NGEF: variants seen among roughly 807,000 people sequenced by gnomAD.
NGEF encodes neuronal guanine nucleotide exchange factor.
Under a neutral mutation model 80.9 loss-of-function variants are expected in NGEF, and 31 were observed. The ratio of observed to expected loss-of-function variants is 0.38; its 90% CI spans 0.29 to 0.52. The LOEUF is 0.52. NGEF is among the 20% of genes least tolerant of loss of function. NGEF has a pLI of 0.84. For synonymous variants in NGEF, 371 were observed against 370.2 expected, an observed-to-expected ratio of 1.00 and a Z score of -0.03; for missense variants, 709 against 926.2, an observed-to-expected ratio of 0.77 and a Z score of 3.04.
At chr2:232,936,639 G>C (rs1043749962) in intron 3 of NGEF, among the ~76,000 whole-genome samples, 1 of 152,186 alleles carries the variant, frequency 6.6e-6, no homozygotes, top group African/African-American at 2.4e-5. Flanking sequence ...GGTGCGCCAC[G>C]CATGTTATCA....
At chr2:232,899,383 C>A (rs1692202395) in intron 5 of NGEF, among the ~76,000 whole-genome samples, 2 of 152,168 alleles carry the variant, frequency 1.3e-5, no homozygotes. Flanking sequence ...CGTCACACTT[C>A]CTGGCTTTCC....
At chr2:233,001,385 T>C (rs1469236802) in intron 1 of NGEF, among the ~76,000 whole-genome samples, 2 of 152,200 alleles carry the variant, frequency 1.3e-5, no homozygotes, top group Non-Finnish European at 2.9e-5. Context: ...CACATCCTCA[T>C]GTGAGCCTGT....
chr2:232,993,868 C>T (rs1265892167), intron 1 of NGEF, among the ~76,000 whole-genome samples: 1 of 152,138 alleles, frequency 6.6e-6, no homozygotes, highest in Non-Finnish European at 1.5e-5. Context: ...GAACCGGAGA[C>T]TCCACAGAGA....
intron 5 of NGEF, among the ~76,000 whole-genome samples, chr2:232,904,871 A>G (rs570958199): frequency 6.6e-6 from 1 of 152,148 alleles, no homozygotes; most frequent in Non-Finnish European, 1.5e-5. Flanking sequence ...TGAGCCCAGG[A>G]GTTCAAGGCT....
At chr2:232,948,159 G>GTGTA (rs1693599658) in intron 3 of NGEF, among the ~76,000 whole-genome samples, 1 of 148,120 alleles carries the variant, frequency 6.8e-6, no homozygotes. Context: ...GTGTGTGTGT[G>GTGTA]TGTGTGTGTG....
chr2:232,891,045 G>T (rs561076808), intron 8 of NGEF: 3 of 509,258 alleles, frequency 5.9e-6, no homozygotes, highest in Admixed American at 4.6e-5. Flanking sequence ...TACACGTCAC[G>T]TGTCTTTCCT....
chr2:232,878,842 C>T lies in NGEF; in HGVS notation c.*647G>A, dbSNP rs1691381603. The T allele has an allele frequency of 6.5e-6, 1 of 152,780 alleles. No homozygotes were observed. The highest frequency in any genetic ancestry group is 2.4e-5 in the African/African-American group (1 of 41,594). 9.5% of individuals were successfully genotyped at this position (152,780 alleles called of 1,614,324 possible). ...TTAAGGGGCTAGAAGACACAAGTTA[C>T]ATCCAGCCCATCAGGGAGCCAGAGG... On this transcript the variant is annotated 3_prime_UTR_variant, in exon 15 of 15. Transcript: ENST00000264051.
rs1258077413 is a variant in NGEF at position 232,892,951 on chromosome 2, G to A, written c.1089C>T (p.Tyr363=). The A allele has an allele frequency of 2.5e-6, 4 of 1,613,532 alleles. No individual in the cohort carries two copies. The highest frequency in any genetic ancestry group is 1.7e-6 in the Non-Finnish European group (2 of 1,179,946). ...YRYAADHFSV[Y]ITYVSNQTYQ... is the part of the protein sequence containing the mutation. ...AGGTCTGATTGCTGACGTAGGTGAT[G>A]TAGACAGAGAAGTGGTCGGCCGCAT... The change falls in exon 7 of 15, where the codon TAC becomes TAT. Residue 363 remains tyrosine, a synonymous_variant. Transcript: ENST00000264051. This position sits in a 1 kb window ranked among gnomAD's most constrained non-coding sequence, Gnocchi z 4.0.
At chr2:232,919,750 G>A (rs1317629874) in intron 5 of NGEF, among the ~76,000 whole-genome samples, 1 of 152,148 alleles carries the variant, frequency 6.6e-6, no homozygotes, top group Non-Finnish European at 1.5e-5. Flanking sequence ...TCAAATGAAG[G>A]GGCCAGAGAC....
chr2:232,916,293 G>A (rs1035263305), intron 5 of NGEF, among the ~76,000 whole-genome samples: 3 of 152,164 alleles, frequency 2.0e-5, no homozygotes, highest in Non-Finnish European at 2.9e-5. Flanking sequence ...CTGAGAGGTA[G>A]GTACTAGGAT....
intron 3 of NGEF, among the ~76,000 whole-genome samples, chr2:232,958,368 A>G (rs1693875408): frequency 6.6e-6 from 1 of 152,214 alleles, no homozygotes; most frequent in African/African-American, 2.4e-5. Flanking sequence ...TGGTCTGCAC[A>G]GTCCCAGGAT....
chr2:232,945,553 A>T (rs570504110), intron 3 of NGEF, among the ~76,000 whole-genome samples: 75 of 152,302 alleles, frequency 4.9e-4, no homozygotes, highest in African/African-American at 1.7e-3. Flanking sequence ...GGGGTGAGGC[A>T]TCTGCCAGCC....
intron 2 of NGEF, among the ~76,000 whole-genome samples, chr2:232,971,038 T>G (rs936526633): frequency 6.6e-6 from 1 of 151,002 alleles, no homozygotes; most frequent in Admixed American, 6.6e-5. Flanking sequence ...TATGAAATAA[T>G]AAGTCCAGTT....
intron 4 of NGEF, among the ~76,000 whole-genome samples, chr2:232,923,747 C>T (rs1278247205): frequency 6.6e-6 from 1 of 152,140 alleles, no homozygotes; most frequent in Non-Finnish European, 1.5e-5. Flanking sequence ...CAGTTCCTTG[C>T]CCCTTGCTAG....
intron 1 of NGEF, among the ~76,000 whole-genome samples, chr2:233,001,666 T>C (rs1268982718): frequency 6.6e-6 from 1 of 152,182 alleles, no homozygotes; most frequent in Admixed American, 6.5e-5. Context: ...GGCAGATGTG[T>C]TTTTAAAAAC....
At chr2:232,928,061 G>A in intron 3 of NGEF, 1 of 1,157,436 alleles carries the variant, frequency 8.6e-7, no homozygotes. Flanking sequence ...CCCTGGGCTG[G>A]GTCGGGGGCG....
chr2:232,991,634 C>A (rs1694652337), intron 1 of NGEF, among the ~76,000 whole-genome samples: 1 of 152,108 alleles, frequency 6.6e-6, no homozygotes, highest in Admixed American at 6.5e-5. Context: ...TTTCATGGAT[C>A]AGAAAAATTA....
intron 1 of NGEF, among the ~76,000 whole-genome samples, chr2:232,986,917 T>C (rs370040180): frequency 6.6e-6 from 1 of 152,204 alleles, no homozygotes; most frequent in Non-Finnish European, 1.5e-5. Flanking sequence ...AAAAATTATA[T>C]ACACAGTTTA....
chr2:232,950,430 T>G (rs926546240), intron 3 of NGEF, among the ~76,000 whole-genome samples: 3 of 152,188 alleles, frequency 2.0e-5, no homozygotes, highest in African/African-American at 4.8e-5. Flanking sequence ...AGGTGCTGAG[T>G]GTGGCAGTGG....
Sources: gnomAD v4.1 joint callset for allele counts (sites outside exome capture counted in the v4.1 genomes callset) on GRCh38, gnomAD v4.1.1 for gene constraint, Gnocchi (gnomAD v3.1) non-coding constraint, MANE v1.5 for transcripts, NCBI Gene and HGNC (gene_info 2026-07-23, HGNC 2026-07-21) for gene names.